The following CLDN14 variants were observed in gnomAD, a reference collection of about 807,000 sequenced individuals.
The protein encoded by CLDN14 is claudin 14.
CLDN14 carries 2 observed loss-of-function variants against 2.1 expected under a neutral mutation model. The ratio of observed to expected loss-of-function variants is 0.96; its 90% CI spans 0.39 to 3.01. The LOEUF (loss-of-function observed/expected upper bound fraction) is 3.01. Ranked by LOEUF, CLDN14 falls within the 30% of genes most tolerant of loss-of-function variation. CLDN14 has a pLI of 0.09. For synonymous variants in CLDN14, 136 were observed against 154.4 expected, an observed-to-expected ratio of 0.88 and a Z score of 0.88; for missense variants, 298 against 328.0, an observed-to-expected ratio of 0.91 and a Z score of 0.71.
At chr21:36,487,485 C>A (rs1263464233) in intron 2 of CLDN14, 1 of 154,264 alleles carries the variant, frequency 6.5e-6, no homozygotes, top group Non-Finnish European at 1.5e-5. Flanking sequence ...GCCTCATAGT[C>A]TACTTAGAAA....
chr21:36,553,749 T>C (rs1404282667), intron 1 of CLDN14, among the ~76,000 whole-genome samples: 3 of 152,060 alleles, frequency 2.0e-5, no homozygotes, highest in Non-Finnish European at 4.4e-5. Flanking sequence ...CAGCAGCACC[T>C]GCCAAGAAGA....
At chr21:36,468,570 A>T (rs960867591) in intron 1 of CLDN14, among the ~76,000 whole-genome samples, 1 of 152,102 alleles carries the variant, frequency 6.6e-6, no homozygotes, top group African/African-American at 2.4e-5. Flanking sequence ...CTCAAACAAA[A>T]GAAAATAAAC....
intron 1 of CLDN14, among the ~76,000 whole-genome samples, chr21:36,550,429 G>C (rs750901710): frequency 6.6e-6 from 1 of 152,206 alleles, no homozygotes; most frequent in Admixed American, 6.5e-5. Flanking sequence ...GGCAGTTTTA[G>C]TAGCTATATG....
chr21:36,486,268 T>TCAGTCACAC (rs1555846499), intron 2 of CLDN14: 2 of 824,018 alleles, frequency 2.4e-6, no homozygotes, highest in Admixed American at 1.8e-5. Flanking sequence ...CCCCTCTTCC[T>TCAGTCACAC]TAGGTCAGGA....
chr21:36,507,283 G>C (rs879475732), intron 2 of CLDN14, among the ~76,000 whole-genome samples: 1 of 152,180 alleles, frequency 6.6e-6, no homozygotes, highest in South Asian at 2.1e-4. Context: ...ACCCATGGCT[G>C]TGTATATCTT....
In CLDN14 at chr21:36,461,129, T is replaced by TG; in HGVS notation, c.566dup (p.Pro190ThrfsTer92). ...GCGGGGCCTGGTAGGGCCTGTAGGG[T>TG]GCCTCGTCCTGGCAGGACAGGCAAA... is the stretch of plus-strand genomic sequence containing the variant. On this transcript the variant is annotated frameshift_variant, in exon 2 of 2. Coordinates refer to ENST00000399135, the MANE Select transcript of CLDN14 (RefSeq NM_001146079.2). LOFTEE classifies it low-confidence loss of function (END_TRUNC). 1 of 1,613,830 alleles carries TG rather than the reference T, an allele frequency of 6.2e-7. No individual in the cohort carries two copies. The highest frequency in any genetic ancestry group is 8.5e-7 in the Non-Finnish European group (1 of 1,179,822).
At chr21:36,538,771 C>T (rs1190829933) in intron 1 of CLDN14, among the ~76,000 whole-genome samples, 1 of 151,878 alleles carries the variant, frequency 6.6e-6, no homozygotes, top group Non-Finnish European at 1.5e-5. Flanking sequence ...TTTTTTTCCA[C>T]AGTTGGAGTG....
intron 1 of CLDN14, among the ~76,000 whole-genome samples, chr21:36,547,842 A>G (rs570878197): frequency 6.6e-6 from 1 of 152,308 alleles, no homozygotes; most frequent in African/African-American, 2.4e-5. Flanking sequence ...TCACCCGCTG[A>G]TCCTCCAAAG....
intron 2 of CLDN14, among the ~76,000 whole-genome samples, chr21:36,488,199 A>G (rs1013943378): frequency 1.8e-4 from 25 of 136,322 alleles, no homozygotes; most frequent in African/African-American, 6.8e-4. Context: ...GCCCATTGCA[A>G]AAAGACAAAT....
Position 36,500,818 on chromosome 21 carries a change from ATTCT to A in CLDN14, c.-82+9541_-82+9544del, listed in dbSNP as rs2087086035. Among the ~76,000 whole-genome samples, 5 of 152,368 alleles carry A rather than the reference ATTCT, an allele frequency of 3.3e-5. No homozygotes were observed. The South Asian group carries it at 1.0e-3, about 32-fold the overall frequency. On this transcript the variant is annotated intron_variant, in intron 2 of 2. Transcript: ENST00000342108. ...ACCCACTTTCAGTAGGAAGTTGCCG[ATTCT>A]TTCTCATGTTTACTTTTGAGTTTCA... is the stretch of plus-strand genomic sequence containing the variant.
chr21:36,478,828 C>T (rs1428774736), intron 1 of CLDN14, among the ~76,000 whole-genome samples: 1 of 152,190 alleles, frequency 6.6e-6, no homozygotes, highest in African/African-American at 2.4e-5. Flanking sequence ...TTGCCTGGGT[C>T]CCTCCTGCCC....
At chr21:36,547,152 G>C (rs1254650273) in intron 1 of CLDN14, among the ~76,000 whole-genome samples, 1 of 152,206 alleles carries the variant, frequency 6.6e-6, no homozygotes, top group Non-Finnish European at 1.5e-5. Flanking sequence ...GTGTTTTCAA[G>C]TTGACAAATG....
chr21:36,527,734 G>A (rs1159965177), intron 1 of CLDN14, among the ~76,000 whole-genome samples: 1 of 151,980 alleles, frequency 6.6e-6, no homozygotes, highest in Non-Finnish European at 1.5e-5. Context: ...GGCAGGAAAA[G>A]GGAATCGTTA....
At chr21:36,564,328 A>AGCTATC (rs1364459210) in intron 1 of CLDN14, among the ~76,000 whole-genome samples, 9 of 152,262 alleles carry the variant, frequency 5.9e-5, no homozygotes, top group African/African-American at 2.2e-4. Flanking sequence ...GAAAACTACC[A>AGCTATC]GCTATCGCTA....
chr21:36,531,666 G>A (rs907743409), intron 1 of CLDN14, among the ~76,000 whole-genome samples: 9 of 150,506 alleles, frequency 6.0e-5, no homozygotes, highest in African/African-American at 2.0e-4. Context: ...GGGCAGGAGT[G>A]TCAGAGTGGA....
chr21:36,543,734 A>G (rs976401341), intron 1 of CLDN14, among the ~76,000 whole-genome samples: 4 of 148,290 alleles, frequency 2.7e-5, no homozygotes, highest in African/African-American at 9.7e-5. Context: ...CCAGGCATCT[A>G]GTTCTAGGAC....
chr21:36,478,807 C>A (rs1568849457), intron 1 of CLDN14, among the ~76,000 whole-genome samples: 1 of 152,214 alleles, frequency 6.6e-6, no homozygotes, highest in Non-Finnish European at 1.5e-5. Flanking sequence ...AATCCTGGTT[C>A]CTTTTCTATT....
At chr21:36,569,516 A>T (rs138501797) in intron 1 of CLDN14, among the ~76,000 whole-genome samples, 2 of 152,376 alleles carry the variant, frequency 1.3e-5, no homozygotes, top group African/African-American at 4.8e-5. Context: ...ATTCTGAAAA[A>T]ATATGATCGC....
chr21:36,485,537 G>C (rs76572519), intron 2 of CLDN14, among the ~76,000 whole-genome samples: 1 of 150,738 alleles, frequency 6.6e-6, no homozygotes, highest in Non-Finnish European at 1.5e-5. Flanking sequence ...AGGATCAGAC[G>C]GATCACTTCT....
Sources: gnomAD v4.1 joint callset for allele counts (sites outside exome capture counted in the v4.1 genomes callset) on GRCh38, gnomAD v4.1.1 for gene constraint, MANE v1.5 for transcripts, NCBI Gene and HGNC (gene_info 2026-07-23, HGNC 2026-07-21) for gene names.